Variants in PSG9 observed in about 807,000 individuals in gnomAD.
PSG9 encodes pregnancy specific beta-1-glycoprotein 9.
Under a neutral mutation model 41.9 loss-of-function variants are expected in PSG9, and 49 were observed. The observed-to-expected ratio is 1.17, with a 90% confidence interval of 0.93 to 1.48. The LOEUF (loss-of-function observed/expected upper bound fraction) is 1.48, where lower values mean the gene tolerates loss of function less well. PSG9 is among the 40% of genes most tolerant of loss of function. PSG9 has a pLI of 0.00. For synonymous variants in PSG9, 263 were observed against 196.8 expected (o/e 1.34, Z -2.82); for missense variants, 641 against 520.3 (o/e 1.23, Z -2.26).
At chr19:43,258,559 T>C in intron 4 of PSG9, 103 bp from the exon 5 acceptor site, 1 of 1,433,536 alleles carries the variant, frequency 7.0e-7, no homozygotes, top group Non-Finnish European at 9.2e-7. Context: ...AGACACACCC[T>C]CAAGTCCCAG....
intron 2 of PSG9, among the ~76,000 whole-genome samples, chr19:43,265,516 A>G (rs1244684514): frequency 6.6e-6 from 1 of 151,978 alleles, no homozygotes; most frequent in African/African-American, 2.4e-5. Context: ...CTCCGGCCGC[A>G]TGATTCCATC....
At position 43,259,063 on chromosome 19, in the gene PSG9, G is replaced by A. The variant is rs1397077558; in HGVS notation, c.782C>T (p.Thr261Ile). The A allele has an allele frequency of 6.3e-7, 1 of 1,590,494 alleles. No individual in the cohort carries two copies. Among genetic ancestry groups the A allele is most frequent in the Non-Finnish European group, 8.5e-7 (1 of 1,174,400 alleles). ...GTAGTTCTCACTCTTAGGTTCACAG[G>A]TGAAGGCTAAGACATCCTTATTCTC... is the stretch of plus-strand genomic sequence containing the variant. ...PRENKDVLAF[T>I]CEPKSENYTY... Residue 261 changes from threonine to isoleucine, a missense_variant, in exon 4 of 6, where the codon ACC (threonine) becomes ATC (isoleucine). Thr to Ile is a moderately conservative substitution (Grantham distance 89). Transcript: ENST00000270077.
rs183928519 is a variant in PSG9, at chr19:43,262,652, G to T, written c.431-514C>A. On this transcript the variant is annotated intron_variant, in intron 2 of 5. Transcript: ENST00000270077. ...TGGTCTGGGACTGGGTACTTCAGCA[G>T]AAATAACACAGGGGAGACCAGAGTC... Among the ~76,000 whole-genome samples the T allele has an allele frequency of 2.7e-3, 416 of 152,272 alleles. 3 individuals are homozygous for T. The highest frequency in any genetic ancestry group is 0.01 in the Middle Eastern group (3 of 294).
chr19:43,257,579 A>G, intron 5 of PSG9: 2 of 984,224 alleles, frequency 2.0e-6, no homozygotes, highest in South Asian at 9.4e-5. Context: ...ATTTCCCTGC[A>G]GCCTGGCCCG....
intron 5 of PSG9, chr19:43,257,936 G>T (rs1228372859): frequency 4.9e-6 from 7 of 1,420,324 alleles, no homozygotes; most frequent in Non-Finnish European, 5.5e-6. Flanking sequence ...CCTCTCTGAA[G>T]CCTCTTCTAC....
chr19:43,262,067 T>C lies in PSG9; in HGVS notation c.502A>G (p.Ile168Val), dbSNP rs756431857. The stretch of plus-strand genomic sequence containing the variant: ...GCGTCCAGAGTCTCAGGATCACAGA[T>C]TAAGCGCACAGCCTCCATGGCCTCC... ...PREAMEAVRL[I>V]CDPETLDASY... Residue 168 changes from isoleucine to valine, a missense_variant, in exon 3 of 6, where the codon ATC becomes GTC. Coordinates refer to ENST00000270077, the MANE Select transcript of PSG9 (RefSeq NM_002784.5). 2 of 1,613,958 alleles carry C rather than the reference T, an allele frequency of 1.2e-6. No homozygotes were observed. The highest frequency in any genetic ancestry group is 2.2e-5 in the East Asian group (1 of 44,870).
chr19:43,269,176 T>C (rs1969129035), intron 1 of PSG9, among the ~76,000 whole-genome samples, 192 bp downstream of exon 1: 3 of 152,032 alleles, frequency 2.0e-5, no homozygotes, highest in Admixed American at 2.0e-4. Flanking sequence ...GGTTAATTTT[T>C]TATATTTTTA....
At chr19:43,265,041 C>T (rs764406830) in intron 2 of PSG9, among the ~76,000 whole-genome samples, 2 of 152,132 alleles carry the variant, frequency 1.3e-5, no homozygotes, top group Non-Finnish European at 2.9e-5. Flanking sequence ...ATGGCTGACT[C>T]CATCTGGCAT....
rs763532502 is a variant in PSG9, at chr19:43,269,425, G to T, written c.7C>A (p.Pro3Thr). Reference protein sequence around the residue: MGPLPAPSCTQRI... With the variant: MGTLPAPSCTQRI... The stretch of plus-strand genomic sequence containing the variant: ...TGTGTGCAGGAAGGGGCTGGGAGGG[G>T]CCCCATGGTCTCTGCTGCCTGTGTG... The change falls in exon 1 of 6, where the codon CCC (proline) becomes ACC (threonine). Residue 3 changes from proline (P) to threonine (T), a missense_variant. By Grantham distance (38) the Pro-to-Thr change is conservative. Coordinates refer to ENST00000270077, the MANE Select transcript of PSG9 (RefSeq NM_002784.5). 1.9e-6 allele frequency: 3 copies of T among 1,613,586 alleles called. No homozygotes were observed. Among genetic ancestry groups the T allele is most frequent in the South Asian group, 2.2e-5 (2 of 91,062 alleles).
chr19:43,254,280 G>T (rs1489131104), intron 5 of PSG9, among the ~76,000 whole-genome samples: 2 of 145,928 alleles, frequency 1.4e-5, no homozygotes, highest in Non-Finnish European at 3.0e-5. Context: ...AAACTTTCCT[G>T]GTGTCATATG....
intron 3 of PSG9, chr19:43,260,428 G>A (rs1477332158): frequency 4.1e-5 from 6 of 148,016 alleles, no homozygotes; most frequent in Admixed American, 3.4e-4. Flanking sequence ...GCTTCAGTGA[G>A]CATTTCTTTT....
chr19:43,254,290 G>A (rs1313176316), intron 5 of PSG9, among the ~76,000 whole-genome samples: 1 of 146,296 alleles, frequency 6.8e-6, no homozygotes, highest in African/African-American at 2.6e-5. Flanking sequence ...GGTGTCATAT[G>A]GCTAGTGACA....
In PSG9 at chr19:43,260,421, T is replaced by C. The variant is rs1392648300; in HGVS notation, c.710-1286A>G. 4.8e-3 allele frequency: 696 copies of C among 145,632 alleles called. 33 individuals carry two copies. Among genetic ancestry groups the C allele is most frequent in the African/African-American group, 0.018 (675 of 37,972 alleles). The allele number at this position is 145,632 out of a possible 1,614,324, so 9.0% of individuals were successfully genotyped here. A position where few individuals can be genotyped will look rare whatever the true frequency, so the allele number is the denominator to read the frequency against. The stretch of plus-strand genomic sequence containing the variant: ...TGAAAGATTCAAAATCTAAAATGCT[T>C]CAGTGAGCATTTCTTTTCAGCATCA... On this transcript the variant is annotated intron_variant, in intron 3 of 5. Transcript: ENST00000270077.
At chr19:43,264,042 G>C (rs1010480976) in intron 2 of PSG9, among the ~76,000 whole-genome samples, 9 of 152,076 alleles carry the variant, frequency 5.9e-5, no homozygotes, top group African/African-American at 2.2e-4. Flanking sequence ...GTGTGAATCA[G>C]GAAGATTCTA....
intron 1 of PSG9, 110 bp from the exon 2 acceptor site, chr19:43,268,259 C>T: frequency 2.2e-6 from 3 of 1,354,614 alleles, no homozygotes; most frequent in Non-Finnish European, 3.0e-6. Flanking sequence ...TGAAGATACA[C>T]ACACGCACAC....
intron 2 of PSG9, among the ~76,000 whole-genome samples, chr19:43,267,411 C>A (rs1412963764): frequency 6.6e-6 from 1 of 151,980 alleles, no homozygotes; most frequent in Non-Finnish European, 1.5e-5. Context: ...GCTTCTAGGG[C>A]TGAGCTTCTC....
rs749246981 is a variant in PSG9 at position 43,268,055 on chromosome 19, TAGA to T, written c.156_158del (p.Leu54del). The T allele has an allele frequency of 1.5e-5, 24 of 1,613,686 alleles. No homozygotes were observed. The Admixed American group carries it at 3.2e-4, about 21-fold the overall frequency. On this transcript the variant is annotated inframe_deletion, in exon 2 of 6. Coordinates refer to ENST00000270077, the MANE Select transcript of PSG9 (RefSeq NM_002784.5). ...GATTCTGGGGCAAATTGTGGACAAGTAGAAGAACATCCTTCCCCTCAGAAACTT... is the reference window on the plus strand; with the variant it reads ...GATTCTGGGGCAAATTGTGGACAAGTAGAACATCCTTCCCCTCAGAAACTT...
intron 4 of PSG9, 54 bp downstream of exon 4, chr19:43,258,803 G>C (rs190602543): frequency 6.4e-7 from 1 of 1,571,972 alleles, no homozygotes; most frequent in African/African-American, 1.4e-5. Flanking sequence ...CTGGCATCTG[G>C]TCGTTTGGAC....
Position 43,260,750 on chromosome 19 carries a change from G to A in PSG9, c.709+1110C>T, listed in dbSNP as rs1168747115. 3.9e-5 allele frequency: 6 copies of A among 152,002 alleles called. No individual in the cohort carries two copies. The South Asian group carries it at 8.3e-4, about 21-fold the overall frequency. 9.4% of individuals were successfully genotyped at this position (152,002 alleles called of 1,614,324 possible). A position where few individuals can be genotyped will look rare whatever the true frequency, so the allele number is the denominator to read the frequency against. ...CTAATTCTGCAAAAAATGTTACTGGGATTCTGGTAGGGGTTGCATTGAATC... is the reference window on the plus strand; with the variant it reads ...CTAATTCTGCAAAAAATGTTACTGGAATTCTGGTAGGGGTTGCATTGAATC... On this transcript the variant is annotated intron_variant, in intron 3 of 5. Coordinates refer to ENST00000270077, the MANE Select transcript of PSG9 (RefSeq NM_002784.5).
Sources: allele counts gnomAD v4.1 joint callset (sites outside exome capture counted in the v4.1 genomes callset), GRCh38; gene constraint gnomAD v4.1.1; transcripts MANE v1.5; gene names NCBI Gene and HGNC (gene_info 2026-07-23, HGNC 2026-07-21).